BICD1: variants seen among roughly 807,000 people sequenced by gnomAD.
The protein encoded by BICD1 is protein bicaudal D homolog 1.
BICD1 carries 35 observed loss-of-function variants against 92.5 expected under a neutral mutation model. The observed-to-expected ratio is 0.38, with a 90% CI of 0.29 to 0.50. BICD1 has a LOEUF of 0.50. Ranked by LOEUF, BICD1 falls within the 20% of genes least tolerant of loss-of-function variation. The pLI is 0.93. For synonymous variants in BICD1, 429 were observed against 465.1 expected (o/e 0.92, Z 1.00); for missense variants, 950 against 1,189.8 (o/e 0.80, Z 2.97).
chr12:32,221,858 T>A (rs549719421), intron 2 of BICD1, among the ~76,000 whole-genome samples: 2 of 152,268 alleles, frequency 1.3e-5, no homozygotes, highest in East Asian at 3.9e-4. Flanking sequence ...CCCAGCATTA[T>A]TTTTGGTAAG....
chr12:32,208,735 C>G (rs1218766088), intron 1 of BICD1, among the ~76,000 whole-genome samples: 3 of 152,210 alleles, frequency 2.0e-5, no homozygotes, highest in Admixed American at 6.5e-5. Flanking sequence ...TTGAGAGACA[C>G]TTCTCAGTCA....
chr12:32,353,613 A>T (rs1479822690), intron 8 of BICD1: 1 of 152,154 alleles, frequency 6.6e-6, no homozygotes, highest in Non-Finnish European at 1.5e-5. Flanking sequence ...AAACAAGAAG[A>T]TCAAACACAT....
intron 2 of BICD1, chr12:32,227,623 A>G (rs776248902): frequency 1.2e-4 from 19 of 159,884 alleles, no homozygotes; most frequent in Non-Finnish European, 2.1e-4. Context: ...TCCATCCATC[A>G]TGGGAGGTCC....
chr12:32,314,801 C>T (rs1948458195), intron 4 of BICD1, among the ~76,000 whole-genome samples: 1 of 151,700 alleles, frequency 6.6e-6, no homozygotes. Context: ...ACTATGTTGC[C>T]CAGGCTGGAG....
At chr12:32,318,820 C>T (rs1039175384) in intron 4 of BICD1, among the ~76,000 whole-genome samples, 20 of 152,302 alleles carry the variant, frequency 1.3e-4, no homozygotes, top group African/African-American at 4.8e-4. Flanking sequence ...TGCCATCGCA[C>T]TCCAGCCTGG....
At chr12:32,157,334 A>C (rs927910244) in intron 1 of BICD1, among the ~76,000 whole-genome samples, 3 of 152,194 alleles carry the variant, frequency 2.0e-5, no homozygotes, top group African/African-American at 7.2e-5. Flanking sequence ...TTAATGAAGA[A>C]TCCAGTCCCA....
At chr12:32,173,547 T>C (rs1944012158) in intron 1 of BICD1, among the ~76,000 whole-genome samples, 1 of 152,190 alleles carries the variant, frequency 6.6e-6, no homozygotes, top group South Asian at 2.1e-4. Context: ...CTGGTAAATG[T>C]TCTCTAAGAA....
intron 2 of BICD1, among the ~76,000 whole-genome samples, chr12:32,232,880 G>C (rs1050041530): frequency 2.0e-5 from 3 of 152,050 alleles, no homozygotes; most frequent in Non-Finnish European, 4.4e-5. Context: ...TTCTGCATTA[G>C]ACAATAAGAA....
chr12:32,183,403 T>A (rs1475170761), intron 1 of BICD1, among the ~76,000 whole-genome samples: 2 of 151,918 alleles, frequency 1.3e-5, no homozygotes, highest in Non-Finnish European at 2.9e-5. Flanking sequence ...TAGCTGAGAT[T>A]ACAGGCACGC....
chr12:32,161,983 G>A (rs1184821625), intron 1 of BICD1, among the ~76,000 whole-genome samples: 1 of 152,204 alleles, frequency 6.6e-6, no homozygotes. Flanking sequence ...TACTTTCGCA[G>A]GTTCCAGAAC....
rs1407722671 is a variant in BICD1, at chr12:32,206,082, C to A, written c.214-10165C>A. ...ATTAGTATTCCATTGTATGGATATG[C>A]CACAACTTGGTTTTTTATTCACCAA... On this transcript the variant is annotated intron_variant, in intron 1 of 9. Transcript: ENST00000652176. Among the ~76,000 whole-genome samples, 3 of 152,086 alleles carry A rather than the reference C, an allele frequency of 2.0e-5. No individual in the cohort carries two copies. In the East Asian group the frequency reaches 5.8e-4, roughly 29 times the overall value.
intron 2 of BICD1, among the ~76,000 whole-genome samples, chr12:32,267,103 A>G (rs192572954): frequency 1.1e-4 from 16 of 152,290 alleles, no homozygotes; most frequent in Admixed American, 1.0e-3. Flanking sequence ...CTCATTGTTT[A>G]GTGTCTCTTC....
rs548249727 is a variant in BICD1, at chr12:32,285,954, G to A, written c.427-8040G>A. ...ACATGCCCCTAGAATATAATCGCTGGCAATTCAAAAAGCAAGGATTTTTAG... is the reference window on the plus strand; with the variant it reads ...ACATGCCCCTAGAATATAATCGCTGACAATTCAAAAAGCAAGGATTTTTAG... On this transcript the variant is annotated intron_variant, in intron 2 of 9. Transcript: ENST00000652176. Among the ~76,000 whole-genome samples the A allele has an allele frequency of 5.9e-5, 9 of 152,204 alleles. No homozygotes were observed. The South Asian group carries it at 1.0e-3, about 18-fold the overall frequency.
chr12:32,312,012 C>T (rs1310548701), intron 4 of BICD1, among the ~76,000 whole-genome samples: 1 of 152,150 alleles, frequency 6.6e-6, no homozygotes, highest in Non-Finnish European at 1.5e-5. Flanking sequence ...AGGGCATGAA[C>T]TCCCCAGACC....
intron 8 of BICD1, among the ~76,000 whole-genome samples, chr12:32,342,584 T>C (rs1485969499): frequency 1.3e-5 from 2 of 152,142 alleles, no homozygotes; most frequent in African/African-American, 4.8e-5. Flanking sequence ...TTTTAGATGA[T>C]TTTTAATTAT....
chr12:32,348,618 C>T (rs905835921), intron 8 of BICD1, among the ~76,000 whole-genome samples: 1 of 151,338 alleles, frequency 6.6e-6, no homozygotes, highest in Non-Finnish European at 1.5e-5. Context: ...CAGGGAGGAA[C>T]AGGTGGGCTG....
chr12:32,220,180 T>C (rs553711256), intron 2 of BICD1, among the ~76,000 whole-genome samples: 1,681 of 152,256 alleles, frequency 0.011, 33 homozygotes, highest in African/African-American at 0.038. Flanking sequence ...GACATAGGCA[T>C]GGGCAAGGAC....
At chr12:32,316,951 C>A (rs1266670993) in intron 4 of BICD1, among the ~76,000 whole-genome samples, 1 of 152,022 alleles carries the variant, frequency 6.6e-6, no homozygotes, top group African/African-American at 2.4e-5. Flanking sequence ...TGAGAACATG[C>A]TGTGTTTGGT....
chr12:32,107,397 G>A lies in BICD1; in HGVS notation c.66G>A (p.Lys22=). Residue 22 remains lysine (K), a synonymous_variant, in exon 1 of 10, where the codon AAG becomes AAA. Coordinates refer to ENST00000652176, the MANE Select transcript of BICD1 (RefSeq NM_001714.4). Reference sequence around the variant, plus strand: ...AGACTGAGATAGAGAGGCTAACCAAGGAGCTCACGGAGACCACCCACGAGA... The same window carrying A: ...AGACTGAGATAGAGAGGCTAACCAAAGAGCTCACGGAGACCACCCACGAGA... ...HYKTEIERLT[K]ELTETTHEKI... The A allele has an allele frequency of 6.2e-7, 1 of 1,611,918 alleles. No homozygotes were observed. Among genetic ancestry groups the A allele is most frequent in the Non-Finnish European group, 8.5e-7 (1 of 1,179,276 alleles).
Sources: gnomAD v4.1 joint callset for allele counts (sites outside exome capture counted in the v4.1 genomes callset) on GRCh38, gnomAD v4.1.1 for gene constraint, MANE v1.5 for transcripts, NCBI Gene and HGNC (gene_info 2026-07-23, HGNC 2026-07-21) for gene names.